Variants in FER observed in about 807,000 individuals in gnomAD.
FER encodes the protein FER tyrosine kinase, also known as tyrosine-protein kinase Fer.
A neutral mutation model predicts 111.0 loss-of-function variants in FER; 63 were observed. That is an observed-to-expected ratio of 0.57 (90% CI 0.46 to 0.70). FER has a LOEUF of 0.70. FER is among the 30% of genes least tolerant of loss of function. The pLI is 0.00. For synonymous variants in FER, 327 were observed against 313.9 expected, an observed-to-expected ratio of 1.04 and a Z score of -0.44; for missense variants, 914 against 954.0, an observed-to-expected ratio of 0.96 and a Z score of 0.55.
intron 10 of FER, among the ~76,000 whole-genome samples, chr5:108,941,870 A>G (rs1037443486): frequency 5.3e-5 from 8 of 152,196 alleles, no homozygotes; most frequent in Non-Finnish European, 1.2e-4. Context: ...CATTTGTCCA[A>G]ACCCATAGAA....
At chr5:108,944,849 G>GT (rs1756763976) in intron 10 of FER, among the ~76,000 whole-genome samples, 1 of 113,898 alleles carries the variant, frequency 8.8e-6, no homozygotes, top group Non-Finnish European at 2.0e-5. Context: ...ACCTTCATAT[G>GT]AAAAGATGTT....
At chr5:108,902,033 G>C (rs1750102075) in intron 10 of FER, among the ~76,000 whole-genome samples, 1 of 152,118 alleles carries the variant, frequency 6.6e-6, no homozygotes, top group Non-Finnish European at 1.5e-5. Context: ...ATTTGCAAAG[G>C]TTCACTCTAC....
intron 16 of FER, among the ~76,000 whole-genome samples, chr5:109,076,218 T>G (rs1291851917): frequency 6.6e-6 from 1 of 152,142 alleles, no homozygotes; most frequent in East Asian, 1.9e-4. Flanking sequence ...ACATTCAAAG[T>G]TATCTTCTAT....
chr5:109,096,385 T>C (rs1419861676), intron 16 of FER, among the ~76,000 whole-genome samples: 2 of 152,010 alleles, frequency 1.3e-5, no homozygotes, highest in South Asian at 2.1e-4. Flanking sequence ...TAAAAAACTC[T>C]ATAGGCTTTA....
rs144180062 is a variant in FER at position 108,791,982 on chromosome 5, A to T, written c.-59-6142A>T. Among the ~76,000 whole-genome samples the T allele has an allele frequency of 2.1e-3, 327 of 152,312 alleles. 3 individuals are homozygous for T. The highest frequency in any genetic ancestry group is 7.1e-3 in the African/African-American group (296 of 41,568). On this transcript the variant is annotated intron_variant, in intron 2 of 19. Transcript: ENST00000281092. The stretch of plus-strand genomic sequence containing the variant: ...GGACTTGGCACCCATGTAGAAAATC[A>T]CTTTACCATAAATGTAAAGATTTGC...
chr5:108,884,245 G>C (rs926568080), intron 9 of FER, among the ~76,000 whole-genome samples: 1 of 151,910 alleles, frequency 6.6e-6, no homozygotes, highest in Non-Finnish European at 1.5e-5. Flanking sequence ...AGGAATTTGT[G>C]ATATATAGAA....
intron 13 of FER, among the ~76,000 whole-genome samples, chr5:108,967,181 C>G (rs962289174): frequency 6.6e-6 from 1 of 152,164 alleles, no homozygotes; most frequent in Non-Finnish European, 1.5e-5. Context: ...GTATCACATT[C>G]AACTGTTTCC....
At chr5:109,182,046 T>G (rs1042882816) in intron 18 of FER, among the ~76,000 whole-genome samples, 1 of 152,224 alleles carries the variant, frequency 6.6e-6, no homozygotes, top group Non-Finnish European at 1.5e-5. Context: ...GCGTAAGATT[T>G]TTGAGGTTCA....
At chr5:108,998,321 G>T (rs1354637775) in intron 13 of FER, among the ~76,000 whole-genome samples, 1 of 152,102 alleles carries the variant, frequency 6.6e-6, no homozygotes, top group African/African-American at 2.4e-5. Context: ...TGTGAAGACT[G>T]GGAAAAGCAC....
intron 17 of FER, among the ~76,000 whole-genome samples, chr5:109,103,410 G>A (rs529422520): frequency 1.4e-4 from 21 of 152,184 alleles, no homozygotes; most frequent in African/African-American, 5.1e-4. Context: ...GTTTTGATAT[G>A]AGAAGAGCAG....
At chr5:108,942,147 ATGGAACGTGAAC>A (rs1756357599) in intron 10 of FER, among the ~76,000 whole-genome samples, 1 of 152,174 alleles carries the variant, frequency 6.6e-6, no homozygotes. Context: ...GAAAAGCACC[ATGGAACGTGAAC>A]TGGCTATTGA....
At chr5:108,956,331 A>G (rs1758424954) in intron 12 of FER, among the ~76,000 whole-genome samples, 1 of 151,732 alleles carries the variant, frequency 6.6e-6, no homozygotes, top group Non-Finnish European at 1.5e-5. Context: ...CTCGTTAACC[A>G]CAACTTGTAT....
chr5:109,168,837 C>T (rs1756810921), intron 17 of FER, among the ~76,000 whole-genome samples: 1 of 152,228 alleles, frequency 6.6e-6, no homozygotes, highest in Admixed American at 6.5e-5. Flanking sequence ...TGCTGTCAAG[C>T]AGCTGTCACA....
At chr5:108,754,930 G>T (rs969451818) in intron 1 of FER, among the ~76,000 whole-genome samples, 4 of 152,184 alleles carry the variant, frequency 2.6e-5, no homozygotes, top group East Asian at 3.8e-4. Flanking sequence ...GAAGTACCAC[G>T]TATAATATAC....
intron 16 of FER, among the ~76,000 whole-genome samples, chr5:109,064,918 G>A (rs2149976979): frequency 6.6e-6 from 1 of 152,102 alleles, no homozygotes; most frequent in South Asian, 2.1e-4. Flanking sequence ...TACTATACAT[G>A]GAAAAGTCTT....
intron 17 of FER, among the ~76,000 whole-genome samples, chr5:109,147,800 TAGAGAGAGAG>T (rs750473377): frequency 2.6e-4 from 31 of 118,606 alleles, no homozygotes; most frequent in Middle Eastern, 4.5e-3. Flanking sequence ...TATATATATA[TAGAGAGAGAG>T]AGAGAGAGAG....
At chr5:109,062,543 A>AT (rs201440820) in intron 16 of FER, among the ~76,000 whole-genome samples, 3,249 of 152,006 alleles carry the variant, frequency 0.021, 105 homozygotes, top group African/African-American at 0.074. Flanking sequence ...AAAAAAATAT[A>AT]TATAACAATA....
chr5:108,791,553 A>C (rs1222897488), intron 2 of FER, among the ~76,000 whole-genome samples: 8 of 144,156 alleles, frequency 5.5e-5, no homozygotes, highest in Non-Finnish European at 4.5e-5. Context: ...ATACACACAC[A>C]TATGTGTATA....
chr5:109,152,883 C>T (rs1582279229), intron 17 of FER, among the ~76,000 whole-genome samples: 2 of 151,770 alleles, frequency 1.3e-5, no homozygotes, highest in South Asian at 2.1e-4. Context: ...AAGAACAAGC[C>T]ATTTTGGAGA....
Sources: allele counts gnomAD v4.1 joint callset (sites outside exome capture counted in the v4.1 genomes callset), GRCh38; gene constraint gnomAD v4.1.1; transcripts MANE v1.5; gene names NCBI Gene and HGNC (gene_info 2026-07-23, HGNC 2026-07-21).